Variants in SLC17A5 observed in about 807,000 individuals in gnomAD.
SLC17A5 encodes sialin.
In SLC17A5, 47 loss-of-function variants were observed where a neutral mutation model predicts 59.4. The observed-to-expected ratio is 0.79, with a 90% CI of 0.63 to 1.01. The LOEUF (loss-of-function observed/expected upper bound fraction) is 1.01, where lower values mean the gene tolerates loss of function less well. Ranked by LOEUF, SLC17A5 falls within the 50% of genes least tolerant of loss-of-function variation. The pLI, the probability that SLC17A5 is intolerant of heterozygous loss-of-function variation, is 0.00. For missense variants in SLC17A5, 522 were observed against 595.5 expected (o/e 0.88, Z 1.28); for synonymous variants, 202 against 210.7 (o/e 0.96, Z 0.36).
intron 2 of SLC17A5, 57 bp from the exon 3 acceptor site, chr6:73,641,981 T>C (rs1165725097): frequency 7.1e-7 from 1 of 1,400,610 alleles, no homozygotes; most frequent in African/African-American, 1.4e-5. Context: ...GAGCAGCTCT[T>C]TTCTCTTACT....
intron 6 of SLC17A5, among the ~76,000 whole-genome samples, chr6:73,632,356 G>C (rs1029996238): frequency 5.6e-5 from 8 of 142,220 alleles, no homozygotes; most frequent in Admixed American, 2.9e-4. Context: ...TCTTGCCTCT[G>C]AATATTCCTT....
intron 6 of SLC17A5, among the ~76,000 whole-genome samples, chr6:73,624,882 A>AAT (rs112739269): frequency 0.16 from 24,006 of 151,574 alleles, 2,845 homozygotes; most frequent in African/African-American, 0.33. Context: ...AAAAGAAAAC[A>AAT]ATATATATAT....
intron 3 of SLC17A5, among the ~76,000 whole-genome samples, chr6:73,641,476 G>T (rs774669582): frequency 6.6e-6 from 1 of 152,112 alleles, no homozygotes; most frequent in Non-Finnish European, 1.5e-5. Flanking sequence ...TTTGAGTAAA[G>T]GTTCCAATTT....
intron 9 of SLC17A5, among the ~76,000 whole-genome samples, chr6:73,601,206 G>T (rs1345930062): frequency 6.7e-6 from 1 of 149,060 alleles, no homozygotes; most frequent in East Asian, 2.1e-4. Flanking sequence ...CCCCGTCTGG[G>T]ATGTGAGGAG....
intron 7 of SLC17A5, among the ~76,000 whole-genome samples, chr6:73,620,914 C>T (rs596414): frequency 0.16 from 24,543 of 151,762 alleles, 3,044 homozygotes; most frequent in African/African-American, 0.34. Flanking sequence ...TTAGTAGAGA[C>T]GGTTTTGCTG....
At chr6:73,653,008 A>G in intron 1 of SLC17A5, 6 of 975,192 alleles carry the variant, frequency 6.2e-6, no homozygotes, top group Non-Finnish European at 7.3e-6. Context: ...AAGATGCTTT[A>G]TGACGTACCT....
At chr6:73,624,300 A>G (rs998556793) in intron 6 of SLC17A5, among the ~76,000 whole-genome samples, 15 of 152,008 alleles carry the variant, frequency 9.9e-5, no homozygotes, top group Non-Finnish European at 7.4e-5. Context: ...GCTGGTTAAG[A>G]GTCTGAGGCA....
At chr6:73,653,576 C>T (rs1394726743) in intron 1 of SLC17A5, 7 of 792,572 alleles carry the variant, frequency 8.8e-6, no homozygotes, top group African/African-American at 7.5e-5. Context: ...TCCGCGATCA[C>T]GGTCGCGGCC....
chr6:73,647,406 A>C (rs1769634108), intron 1 of SLC17A5, among the ~76,000 whole-genome samples: 1 of 152,254 alleles, frequency 6.6e-6, no homozygotes, highest in Non-Finnish European at 1.5e-5. Context: ...AGATGTTTAA[A>C]GGCAGAATTA....
intron 1 of SLC17A5, among the ~76,000 whole-genome samples, chr6:73,651,004 A>G (rs1016167798): frequency 6.6e-6 from 1 of 152,212 alleles, no homozygotes. Context: ...ATTTACAGTA[A>G]ATCAGGAGGG....
At chr6:73,603,753 C>G (rs1282548947) in intron 9 of SLC17A5, among the ~76,000 whole-genome samples, 1 of 152,032 alleles carries the variant, frequency 6.6e-6, no homozygotes, top group Non-Finnish European at 1.5e-5. Context: ...GATGTTTGTC[C>G]TGTATATATT....
intron 6 of SLC17A5, among the ~76,000 whole-genome samples, chr6:73,634,642 C>T (rs545046637): frequency 5.3e-5 from 8 of 152,170 alleles, no homozygotes; most frequent in South Asian, 2.1e-4. Flanking sequence ...TCAGGCGATC[C>T]GCCTGCCTCA....
In SLC17A5 at chr6:73,593,929, A is replaced by G. The variant is rs1418358810; in HGVS notation, c.*1148T>C. 1 of 152,152 alleles carries G rather than the reference A, an allele frequency of 6.6e-6. No individual in the cohort carries two copies. Among genetic ancestry groups the G allele is most frequent in the Admixed American group, 6.6e-5 (1 of 15,262 alleles). The allele number at this position is 152,152 out of a possible 1,614,324, so 9.4% of individuals were successfully genotyped here. On this transcript the variant is annotated 3_prime_UTR_variant, in exon 11 of 11. Transcript: ENST00000355773. Reference sequence around the variant, plus strand: ...AATACAAACGAACAAAACACAGCACATAGAAATTTATACTGTGATCCATGT... The same window carrying G: ...AATACAAACGAACAAAACACAGCACGTAGAAATTTATACTGTGATCCATGT...
chr6:73,641,005 G>C (rs1466377045), intron 3 of SLC17A5, among the ~76,000 whole-genome samples: 1 of 152,188 alleles, frequency 6.6e-6, no homozygotes, highest in East Asian at 1.9e-4. Flanking sequence ...TGTAAAATGT[G>C]CTTCAGACTT....
chr6:73,650,507 CAAAAAAAAAAA>C (rs999445559), intron 1 of SLC17A5, among the ~76,000 whole-genome samples: 7 of 35,548 alleles, frequency 2.0e-4, no homozygotes, highest in African/African-American at 5.1e-4. Flanking sequence ...GACTCCGTCT[CAAAAAAAAAAA>C]AAAAAAAAAA....
intron 6 of SLC17A5, among the ~76,000 whole-genome samples, chr6:73,623,661 T>TA (rs1768261425): frequency 7.4e-6 from 1 of 135,814 alleles, no homozygotes; most frequent in South Asian, 2.3e-4. Context: ...GTGTCTTTTA[T>TA]TTTTATTTAT....
intron 9 of SLC17A5, among the ~76,000 whole-genome samples, chr6:73,604,552 T>C (rs995399029): frequency 3.3e-5 from 5 of 152,174 alleles, no homozygotes; most frequent in African/African-American, 1.2e-4. Context: ...GAGACTAGCC[T>C]GGGCAACATG....
chr6:73,610,531 T>C lies in SLC17A5; in HGVS notation c.1128A>G (p.Ala376=), dbSNP rs1403588626. The part of the protein sequence containing the change: ...IFSLIGMIGP[A]VFLVAAGFIG... ...TGAAGCCAGCAGCTACCAGGAATAC[T>C]GCAGGTCCAATCATTCCTGGAGTTA... Residue 376 remains alanine, a synonymous_variant, in exon 9 of 11, where the codon GCA becomes GCG. Coordinates refer to ENST00000355773, the MANE Select transcript of SLC17A5 (RefSeq NM_012434.5). 1 of 1,614,020 alleles carries C rather than the reference T, an allele frequency of 6.2e-7. No individual in the cohort carries two copies. The highest frequency in any genetic ancestry group is 1.3e-5 in the African/African-American group (1 of 74,906).
At chr6:73,596,820 G>GCA (rs1038370641) in intron 10 of SLC17A5, among the ~76,000 whole-genome samples, 13 of 149,400 alleles carry the variant, frequency 8.7e-5, no homozygotes, top group Admixed American at 8.1e-4. Context: ...TCGCTCCACT[G>GCA]CACTCCAGCT....
Sources: gnomAD v4.1 joint callset for allele counts (sites outside exome capture counted in the v4.1 genomes callset) on GRCh38, gnomAD v4.1.1 for gene constraint, MANE v1.5 for transcripts, NCBI Gene and HGNC (gene_info 2026-07-23, HGNC 2026-07-21) for gene names.